SDK1: variants seen among roughly 807,000 people sequenced by gnomAD.
The protein encoded by SDK1 is sidekick cell adhesion molecule 1.
In SDK1, 157 loss-of-function variants were observed where a neutral mutation model predicts 245.5. The observed-to-expected ratio is 0.64, with a 90% confidence interval of 0.56 to 0.73. The LOEUF (loss-of-function observed/expected upper bound fraction) is 0.73, where lower values mean the gene tolerates loss of function less well. Ranked by LOEUF, SDK1 falls within the 30% of genes least tolerant of loss-of-function variation. SDK1 has a pLI of 0.00. For missense variants in SDK1, 3,583 were observed against 3,002.3 expected, an observed-to-expected ratio of 1.19 and a Z score of -4.52; for synonymous variants, 1,647 against 1,278.5, an observed-to-expected ratio of 1.29 and a Z score of -6.15.
intron 14 of SDK1, among the ~76,000 whole-genome samples, chr7:3,993,035 C>T (rs79192032): frequency 0.057 from 8,739 of 152,204 alleles, 336 homozygotes; most frequent in Middle Eastern, 0.12. Context: ...TTACTGGTTC[C>T]CTCATAAATT....
At chr7:4,025,310 G>A (rs1428740151) in intron 17 of SDK1, among the ~76,000 whole-genome samples, 4 of 152,214 alleles carry the variant, frequency 2.6e-5, no homozygotes, top group Admixed American at 6.5e-5. Context: ...TCAGGGTCTC[G>A]GCTATGAAGC....
At chr7:4,245,842 A>G (rs1203686341) in intron 44 of SDK1, 37 bp downstream of exon 44, 1 of 1,611,330 alleles carries the variant, frequency 6.2e-7, no homozygotes, top group African/African-American at 1.3e-5. Context: ...AGTGACCATC[A>G]GCCCCTACTT....
intron 35 of SDK1, among the ~76,000 whole-genome samples, chr7:4,189,125 C>T (rs971308746): frequency 1.3e-5 from 2 of 152,152 alleles, no homozygotes; most frequent in Admixed American, 6.5e-5. Context: ...TGGAAATCCT[C>T]GCCGTCTTCC....
intron 5 of SDK1, among the ~76,000 whole-genome samples, chr7:3,924,670 G>A (rs1182156543): frequency 9.2e-5 from 14 of 152,152 alleles, no homozygotes; most frequent in South Asian, 2.1e-4. Context: ...CCTGCAGTCC[G>A]TCCGTAGCTT....
At chr7:3,704,144 T>C (rs1784819835) in intron 4 of SDK1, among the ~76,000 whole-genome samples, 3 of 152,182 alleles carry the variant, frequency 2.0e-5, no homozygotes, top group Admixed American at 2.0e-4. Flanking sequence ...ATATGGTATT[T>C]AGTTTTCTAT....
intron 30 of SDK1, among the ~76,000 whole-genome samples, chr7:4,149,932 T>G (rs1780242864): frequency 6.6e-6 from 1 of 152,104 alleles, no homozygotes; most frequent in Non-Finnish European, 1.5e-5. Flanking sequence ...GCTTCCTTAG[T>G]GATGGCTGGG....
chr7:4,258,621 C>T (rs561257240), intron 44 of SDK1, among the ~76,000 whole-genome samples: 9 of 152,320 alleles, frequency 5.9e-5, no homozygotes, highest in East Asian at 1.9e-4. Flanking sequence ...GGTCTGGCCC[C>T]GGCCAGTATG....
chr7:4,078,214 A>G (rs1424092850), intron 21 of SDK1, among the ~76,000 whole-genome samples: 1 of 152,096 alleles, frequency 6.6e-6, no homozygotes, highest in African/African-American at 2.4e-5. Flanking sequence ...TTGTAGCTGG[A>G]GAGGGGTCTT....
At chr7:3,468,559 A>G (rs918196344) in intron 1 of SDK1, among the ~76,000 whole-genome samples, 1 of 152,138 alleles carries the variant, frequency 6.6e-6, no homozygotes, top group Non-Finnish European at 1.5e-5. Context: ...AGCCAGAAGA[A>G]CATTGTCTGA....
intron 1 of SDK1, among the ~76,000 whole-genome samples, chr7:3,403,281 T>C (rs1385233055): frequency 6.6e-6 from 1 of 152,180 alleles, no homozygotes; most frequent in East Asian, 1.9e-4. Context: ...TCTCTAAGAT[T>C]CCTGTAATTT....
intron 1 of SDK1, among the ~76,000 whole-genome samples, chr7:3,485,683 GTTTTTTTTT>G (rs71552309): frequency 1.0e-4 from 4 of 38,174 alleles, no homozygotes; most frequent in African/African-American, 2.1e-4. Flanking sequence ...TCTTTGGAGG[GTTTTTTTTT>G]TTTTTTTTTT....
At chr7:3,595,673 C>T (rs1306491243) in intron 1 of SDK1, among the ~76,000 whole-genome samples, 2 of 151,544 alleles carry the variant, frequency 1.3e-5, no homozygotes, top group African/African-American at 2.4e-5. Flanking sequence ...CCACTTCCTG[C>T]GTGACTTTGA....
chr7:3,864,230 G>A lies in SDK1; in HGVS notation c.847+42647G>A, dbSNP rs574087872. Among the ~76,000 whole-genome samples the A allele has an allele frequency of 3.3e-5, 5 of 152,326 alleles. No individual in the cohort carries two copies. The South Asian group carries it at 8.3e-4, about 25-fold the overall frequency. On this transcript the variant is annotated intron_variant, in intron 5 of 44. Coordinates refer to ENST00000404826, the MANE Select transcript of SDK1 (RefSeq NM_152744.4). Reference sequence around the variant, plus strand: ...TATGTTTACACATAGAAGAAAAATTGTGTTTATGTCAATTTGGGCAGGGAT... The same window carrying A: ...TATGTTTACACATAGAAGAAAAATTATGTTTATGTCAATTTGGGCAGGGAT...
intron 16 of SDK1, among the ~76,000 whole-genome samples, chr7:4,015,736 C>T (rs1355788739): frequency 2.0e-5 from 3 of 152,178 alleles, no homozygotes; most frequent in Non-Finnish European, 4.4e-5. Flanking sequence ...CTGTCCCTTC[C>T]CTGAGTCTCC....
At chr7:3,973,499 T>A (rs950192099) in intron 12 of SDK1, among the ~76,000 whole-genome samples, 2 of 152,158 alleles carry the variant, frequency 1.3e-5, no homozygotes, top group Non-Finnish European at 2.9e-5. Context: ...ATAGATTAAA[T>A]GAGAAATAAA....
chr7:3,535,417 C>T (rs965454579), intron 1 of SDK1, among the ~76,000 whole-genome samples: 3 of 152,092 alleles, frequency 2.0e-5, no homozygotes, highest in African/African-American at 7.2e-5. Flanking sequence ...GCTCTTATCC[C>T]TAATGCCAAC....
At chr7:3,790,472 G>C (rs565278932) in intron 4 of SDK1, among the ~76,000 whole-genome samples, 1 of 152,104 alleles carries the variant, frequency 6.6e-6, no homozygotes, top group Non-Finnish European at 1.5e-5. Flanking sequence ...AATCAGAAGC[G>C]AATGGCCCAC....
At chr7:3,665,293 G>A (rs866114821) in intron 4 of SDK1, among the ~76,000 whole-genome samples, 7 of 152,094 alleles carry the variant, frequency 4.6e-5, no homozygotes, top group South Asian at 2.1e-4. Context: ...ATATTTTCCC[G>A]TGGCCTCACC....
chr7:3,880,915 G>A (rs1325791764), intron 5 of SDK1, among the ~76,000 whole-genome samples: 1 of 152,076 alleles, frequency 6.6e-6, no homozygotes, highest in African/African-American at 2.4e-5. Flanking sequence ...GGAAGGCGTC[G>A]AGTTCAGACT....
Sources: gnomAD v4.1 joint callset for allele counts (sites outside exome capture counted in the v4.1 genomes callset) on GRCh38, gnomAD v4.1.1 for gene constraint, MANE v1.5 for transcripts, NCBI Gene and HGNC (gene_info 2026-07-23, HGNC 2026-07-21) for gene names.